The following SYNE1 variants were observed in gnomAD, a reference collection of about 807,000 sequenced individuals.
SYNE1 encodes the protein nesprin-1.
In SYNE1, 616 loss-of-function variants were observed where a neutral mutation model predicts 1,111.0. The observed-to-expected ratio is 0.55, with a 90% confidence interval of 0.52 to 0.59. The LOEUF is 0.59. Among genes scored for constraint, SYNE1 ranks in the 20% least tolerant of loss-of-function variants. The probability of loss-of-function intolerance (pLI) is 0.00; values close to 1 mark genes in which losing one functional copy is unlikely to be tolerated. For missense variants in SYNE1, 10,006 were observed against 10,417.0 expected, an observed-to-expected ratio of 0.96 and a Z score of 1.72; for synonymous variants, 3,855 against 3,825.8, an observed-to-expected ratio of 1.01 and a Z score of -0.28.
In SYNE1 at chr6:152,428,231, C is replaced by T. The variant is rs763316436; in HGVS notation, c.4950G>A (p.Leu1650=). The T allele has an allele frequency of 6.2e-7, 1 of 1,613,772 alleles. No individual in the cohort carries two copies. Among genetic ancestry groups the T allele is most frequent in the South Asian group, 1.1e-5 (1 of 91,084 alleles). The change falls in exon 37 of 146, where the codon CTG becomes CTA. Residue 1650 remains leucine, a synonymous_variant. Coordinates refer to ENST00000367255, the MANE Select transcript of SYNE1 (RefSeq NM_182961.4). ...LRRAKERQTA[L]ENLLAHWQRL... ...TCTGCCAGTGGGCCAGCAGATTCTC[C>T]AGCGCCGTCTGTCTCTCCTTCGCCC...
chr6:152,331,684 C>T lies in SYNE1; in HGVS notation c.13001G>A (p.Arg4334Lys). 1.2e-6 allele frequency: 2 copies of T among 1,614,166 alleles called. No individual in the cohort carries two copies. The highest frequency in any genetic ancestry group is 1.6e-4 in the Middle Eastern group (1 of 6,062). ...RWFQLEDLIKRKIQVSVTNLE... is the reference protein window; with the variant it reads ...RWFQLEDLIKKKIQVSVTNLE... ...GTTGGTGACTGACACTTGGATTTTC[C>T]TTTTAATGAGGTCCTCAAGCTGAAA... is the stretch of plus-strand genomic sequence containing the variant. The change falls in exon 78 of 146, where the codon AGG becomes AAG. Residue 4334 changes from arginine (R) to lysine (K), a missense_variant. Transcript: ENST00000367255.
At chr6:152,337,113 C>G (rs1227206909) in intron 75 of SYNE1, 96 bp from the exon 76 acceptor site, 7 of 1,202,884 alleles carry the variant, frequency 5.8e-6, no homozygotes, top group Non-Finnish European at 8.3e-6. Context: ...CCTGTGCACT[C>G]ATTTGACACA....
At chr6:152,344,304 A>G (rs1447816014) in intron 73 of SYNE1, 77 bp from the exon 74 acceptor site, 19 of 1,589,548 alleles carry the variant, frequency 1.2e-5, no homozygotes, top group Non-Finnish European at 1.6e-5. Flanking sequence ...TCAATGAAAC[A>G]TGACCAGTAC....
At chr6:152,434,001 C>T (rs1012803266) in intron 33 of SYNE1, 56 bp from the exon 34 acceptor site, 1 of 1,466,264 alleles carries the variant, frequency 6.8e-7, no homozygotes, top group African/African-American at 1.4e-5. Flanking sequence ...AGAACAACAA[C>T]ACATTTTCCT....
At position 152,325,988 on chromosome 6, in the gene SYNE1, A is replaced by G. The variant is rs776024178; in HGVS notation, c.15408T>C (p.His5136=). 8.1e-6 allele frequency: 13 copies of G among 1,614,074 alleles called. No individual in the cohort carries two copies. Among genetic ancestry groups the G allele is most frequent in the African/African-American group, 1.3e-5 (1 of 74,944 alleles). ...GTTCTGACAATTTTTCTTCCGCTTC[A>G]TGACTAGACGAAGTCTTCAACAAAG... ...EFSLLKTSSS[H]EAEEKLSEHK... is the part of the protein sequence containing the mutation. The change falls in exon 80 of 146, where the codon CAT becomes CAC. Residue 5136 remains histidine, a synonymous_variant. Transcript: ENST00000367255.
chr6:152,431,212 C>A (rs762731611), intron 34 of SYNE1, among the ~76,000 whole-genome samples: 1 of 152,126 alleles, frequency 6.6e-6, no homozygotes, highest in Non-Finnish European at 1.5e-5. Context: ...TCAAACTTAT[C>A]ATCTATTCTT....
Position 152,262,261 on chromosome 6 carries a change from T to C in SYNE1, c.18816-73A>G, listed in dbSNP as rs2092108418. 5.2e-5 allele frequency: 71 copies of C among 1,366,576 alleles called. No homozygotes were observed. In the South Asian group the frequency reaches 8.2e-4, roughly 16 times the overall value. 84.7% of individuals were successfully genotyped at this position (1,366,576 alleles called of 1,614,324 possible). A position where few individuals can be genotyped will look rare whatever the true frequency, so the allele number is the denominator to read the frequency against. On this transcript the variant is annotated intron_variant, in intron 100 of 145. Coordinates refer to ENST00000367255, the MANE Select transcript of SYNE1 (RefSeq NM_182961.4). ...GATAAGACAGGTAACTTATTGTGTGTACCAGACCTGGCTTCTCAAATGAAA... is the reference window on the plus strand; with the variant it reads ...GATAAGACAGGTAACTTATTGTGTGCACCAGACCTGGCTTCTCAAATGAAA...
intron 12 of SYNE1, among the ~76,000 whole-genome samples, chr6:152,486,861 A>C (rs2098943728): frequency 6.6e-6 from 1 of 152,196 alleles, no homozygotes; most frequent in Non-Finnish European, 1.5e-5. Flanking sequence ...TACCATGTTG[A>C]AGTTCTCACT....
chr6:152,288,540 A>G (rs1245900750), intron 95 of SYNE1, among the ~76,000 whole-genome samples: 1 of 152,134 alleles, frequency 6.6e-6, no homozygotes, highest in Non-Finnish European at 1.5e-5. Context: ...GGAACTGTTC[A>G]CTTAAATCTT....
At position 152,233,845 on chromosome 6, in the gene SYNE1, C is replaced by T. The variant is rs758105121; in HGVS notation, c.20648G>A (p.Arg6883His). Residue 6883 changes from arginine (R) to histidine (H), a missense_variant, in exon 112 of 146, where the codon CGC becomes CAC. By Grantham distance (29) the Arg-to-His change is conservative. Transcript: ENST00000367255. ...DTATLRSELS[R>H]IDSQWTDLLT... is the part of the protein sequence containing the mutation. ...CAGGTCAGTCCACTGGCTATCAATGCGCGACAGCTCAGAGCGCAGCGTGGC... is the reference window on the plus strand; with the variant it reads ...CAGGTCAGTCCACTGGCTATCAATGTGCGACAGCTCAGAGCGCAGCGTGGC... 13 of 1,614,046 alleles carry T rather than the reference C, an allele frequency of 8.1e-6. No individual in the cohort carries two copies. Among genetic ancestry groups the T allele is most frequent in the African/African-American group, 1.3e-5 (1 of 74,930 alleles).
At position 152,219,117 on chromosome 6, in the gene SYNE1, C is replaced by T; in HGVS notation, c.21930G>A (p.Leu7310=). Residue 7310 remains leucine (L), a synonymous_variant, in exon 120 of 146, where the codon CTG becomes CTA. Transcript: ENST00000367255. ...LFFLHELGEQ[L]KQQVDASAAS... Reference sequence around the variant, plus strand: ...CTGCGGAAGCATCCACTTGTTGCTTCAGTTGCTCTCCCAGCTCATGGAGAA... The same window carrying T: ...CTGCGGAAGCATCCACTTGTTGCTTTAGTTGCTCTCCCAGCTCATGGAGAA... 3 of 1,614,158 alleles carry T rather than the reference C, an allele frequency of 1.9e-6. No homozygotes were observed. In the East Asian group the frequency reaches 6.7e-5, roughly 36 times the overall value.
chr6:152,270,720 G>A lies in SYNE1; in HGVS notation c.18574-1434C>T, dbSNP rs142476785. 3.0e-3 allele frequency among the ~76,000 whole-genome samples: 459 copies of A among 152,294 alleles called. 5 individuals carry two copies. Among genetic ancestry groups the A allele is most frequent in the South Asian group, 5.6e-3 (27 of 4,822 alleles). On this transcript the variant is annotated intron_variant, in intron 98 of 145. Coordinates refer to ENST00000367255, the MANE Select transcript of SYNE1 (RefSeq NM_182961.4). ...TTGGAAGCCAGATGAGGGCCCTGGT[G>A]GGGAGTTAGACTATAAACAAACAGA... is the stretch of plus-strand genomic sequence containing the variant.
chr6:152,136,539 C>T (rs2057119398), intron 141 of SYNE1, 79 bp downstream of exon 141: 1 of 1,567,126 alleles, frequency 6.4e-7, no homozygotes, highest in African/African-American at 1.4e-5. Flanking sequence ...CTCTAGAAAC[C>T]ATGATACATC....
At chr6:152,444,385 T>C in intron 30 of SYNE1, 26 bp downstream of exon 30, 1 of 1,612,116 alleles carries the variant, frequency 6.2e-7, no homozygotes, top group Non-Finnish European at 8.5e-7. Flanking sequence ...TTACATAATC[T>C]TGTTGGAAGA....
At chr6:152,627,361 A>T (rs1186730864) in intron 3 of SYNE1, among the ~76,000 whole-genome samples, 1 of 152,208 alleles carries the variant, frequency 6.6e-6, no homozygotes, top group Non-Finnish European at 1.5e-5. Flanking sequence ...TCTAGAAAGC[A>T]GAGAAGAGCA....
intron 5 of SYNE1, among the ~76,000 whole-genome samples, chr6:152,522,390 A>G (rs146320262): frequency 9.5e-4 from 144 of 152,246 alleles, no homozygotes; most frequent in Middle Eastern, 3.4e-3. Context: ...ACATTATTTC[A>G]TTCTTTTTTT....
chr6:152,510,126 G>T, intron 8 of SYNE1, 67 bp downstream of exon 8: 1 of 1,469,024 alleles, frequency 6.8e-7, no homozygotes, highest in South Asian at 1.1e-5. Context: ...ATCATTAGAA[G>T]TTGCAATTAG....
At chr6:152,540,080 G>A in intron 3 of SYNE1, 59 bp from the exon 4 acceptor site, 4 of 1,518,104 alleles carry the variant, frequency 2.6e-6, no homozygotes, top group Middle Eastern at 1.7e-4. Context: ...TGTATAATGA[G>A]AAAAAGTCCT....
intron 6 of SYNE1, among the ~76,000 whole-genome samples, chr6:152,513,106 CT>C (rs780458051): frequency 6.6e-5 from 10 of 152,208 alleles, no homozygotes; most frequent in Non-Finnish European, 1.3e-4. Context: ...GTCTTAAAAC[CT>C]TCAGGTGATT....
Sources: gnomAD v4.1 joint callset for allele counts (sites outside exome capture counted in the v4.1 genomes callset) on GRCh38, gnomAD v4.1.1 for gene constraint, MANE v1.5 for transcripts, NCBI Gene and HGNC (gene_info 2026-07-23, HGNC 2026-07-21) for gene names.